The following THSD7B variants were observed in gnomAD, a reference collection of about 807,000 sequenced individuals.
The protein encoded by THSD7B is thrombospondin type-1 domain-containing protein 7B.
A neutral mutation model predicts 213.6 loss-of-function variants in THSD7B; 138 were observed. That is an observed-to-expected ratio of 0.65 (90% CI 0.56 to 0.74). THSD7B has a LOEUF of 0.74. Among genes scored for constraint, THSD7B ranks in the 30% least tolerant of loss-of-function variants. The pLI is 0.00. For synonymous variants in THSD7B, 742 were observed against 687.0 expected (o/e 1.08, Z -1.25); for missense variants, 1,931 against 1,991.5 (o/e 0.97, Z 0.58).
At chr2:137,469,260 C>T (rs1006158108) in intron 15 of THSD7B, among the ~76,000 whole-genome samples, 7 of 152,024 alleles carry the variant, frequency 4.6e-5, no homozygotes, top group Non-Finnish European at 7.4e-5. Flanking sequence ...AGCTGCATAA[C>T]GCTAAATAGA....
At chr2:136,783,842 A>C (rs1434487373) in intron 1 of THSD7B, among the ~76,000 whole-genome samples, 2 of 152,050 alleles carry the variant, frequency 1.3e-5, no homozygotes, top group African/African-American at 4.8e-5. Context: ...TCAACAAGTT[A>C]GTTAATCAGT....
chr2:137,652,668 C>CTG, intron 21 of THSD7B, among the ~76,000 whole-genome samples: 1 of 151,976 alleles, frequency 6.6e-6, no homozygotes, highest in Admixed American at 6.6e-5. Context: ...GTTATTTTCT[C>CTG]TGGTAGTATG....
intron 15 of THSD7B, among the ~76,000 whole-genome samples, chr2:137,487,191 AC>A (rs1190026896): frequency 3.4e-5 from 5 of 147,870 alleles, no homozygotes; most frequent in African/African-American, 1.3e-4. Context: ...ACAAGGTGAA[AC>A]CCCGTCTCTA....
chr2:137,457,763 T>C (rs1687790793), intron 15 of THSD7B, among the ~76,000 whole-genome samples: 1 of 152,166 alleles, frequency 6.6e-6, no homozygotes, highest in Non-Finnish European at 1.5e-5. Flanking sequence ...AGAATAAGAA[T>C]CTGACTGTAT....
At chr2:137,518,834 C>T (rs1057382789) in intron 15 of THSD7B, among the ~76,000 whole-genome samples, 1 of 152,208 alleles carries the variant, frequency 6.6e-6, no homozygotes, top group South Asian at 2.1e-4. Context: ...GCAGCATAAA[C>T]CAACACTGAG....
chr2:137,226,738 T>A (rs1230420548), intron 7 of THSD7B, among the ~76,000 whole-genome samples: 5 of 151,768 alleles, frequency 3.3e-5, no homozygotes, highest in Non-Finnish European at 5.9e-5. Context: ...CACTCCTAGA[T>A]GTATATCCCA....
chr2:137,222,350 A>G (rs1027296236), intron 7 of THSD7B, among the ~76,000 whole-genome samples: 4 of 152,130 alleles, frequency 2.6e-5, no homozygotes, highest in African/African-American at 4.8e-5. Flanking sequence ...CTCATCAACT[A>G]TTCTGTCCAT....
intron 10 of THSD7B, among the ~76,000 whole-genome samples, chr2:137,256,292 G>A (rs1223376615): frequency 1.3e-5 from 2 of 152,056 alleles, no homozygotes; most frequent in Non-Finnish European, 2.9e-5. Flanking sequence ...CTTTTATCAC[G>A]GAGCACTTAA....
chr2:137,058,169 T>A (rs1687204111), intron 3 of THSD7B, among the ~76,000 whole-genome samples: 1 of 149,326 alleles, frequency 6.7e-6, no homozygotes, highest in Non-Finnish European at 1.5e-5. Flanking sequence ...ATGTGATGAT[T>A]GTTTTTTTTT....
chr2:137,397,026 C>T (rs1231133506), intron 12 of THSD7B, among the ~76,000 whole-genome samples: 1 of 141,966 alleles, frequency 7.0e-6, no homozygotes, highest in African/African-American at 2.6e-5. Flanking sequence ...GGTAGTTCTT[C>T]CTCCATCCTT....
chr2:137,303,826 T>C (rs1044420562), intron 12 of THSD7B, among the ~76,000 whole-genome samples: 8 of 148,914 alleles, frequency 5.4e-5, no homozygotes, highest in African/African-American at 2.0e-4. Context: ...ATTATTATTA[T>C]ACTTTAAGTT....
intron 1 of THSD7B, among the ~76,000 whole-genome samples, chr2:136,815,915 C>T (rs1207261523): frequency 3.9e-5 from 6 of 152,088 alleles, no homozygotes; most frequent in Non-Finnish European, 8.8e-5. Context: ...GACAGTGTCT[C>T]ACTCTGTCTC....
intron 12 of THSD7B, among the ~76,000 whole-genome samples, chr2:137,369,809 G>A (rs927213221): frequency 6.6e-6 from 1 of 152,040 alleles, no homozygotes; most frequent in Non-Finnish European, 1.5e-5. Context: ...AAATTACATT[G>A]CCCACCCTTC....
At chr2:136,982,054 C>G (rs1172181279) in intron 2 of THSD7B, among the ~76,000 whole-genome samples, 1 of 152,178 alleles carries the variant, frequency 6.6e-6, no homozygotes, top group East Asian at 1.9e-4. Flanking sequence ...GAGATAGACA[C>G]ACAAGCCACT....
chr2:136,954,924 T>C (rs1024185984), intron 2 of THSD7B, among the ~76,000 whole-genome samples: 1 of 152,106 alleles, frequency 6.6e-6, no homozygotes, highest in African/African-American at 2.4e-5. Flanking sequence ...TTTGCTTAAA[T>C]GGTTGCATGT....
intron 2 of THSD7B, among the ~76,000 whole-genome samples, chr2:136,924,702 T>C (rs894089502): frequency 6.6e-5 from 10 of 152,216 alleles, no homozygotes; most frequent in African/African-American, 2.4e-4. Flanking sequence ...TTGTTTTCTA[T>C]TTCTACACAA....
At chr2:137,176,002 C>T (rs992417487) in intron 7 of THSD7B, among the ~76,000 whole-genome samples, 3 of 151,956 alleles carry the variant, frequency 2.0e-5, no homozygotes, top group Non-Finnish European at 2.9e-5. Context: ...TGTTGTATCT[C>T]GTGTTGTTAA....
chr2:137,586,794 G>T lies in THSD7B; in HGVS notation c.3423+14238G>T, dbSNP rs562119161. 3.9e-5 allele frequency among the ~76,000 whole-genome samples: 6 copies of T among 152,274 alleles called. No individual in the cohort carries two copies. The East Asian group carries it at 1.2e-3, about 29-fold the overall frequency. ...TTTTTACCTTCATTTCAACTTTCGTGAATCTGACAATTGTGTGTCTTGGAG... is the reference window on the plus strand; with the variant it reads ...TTTTTACCTTCATTTCAACTTTCGTTAATCTGACAATTGTGTGTCTTGGAG... On this transcript the variant is annotated intron_variant, in intron 17 of 27. Coordinates refer to ENST00000409968, the MANE Select transcript of THSD7B (RefSeq NM_001316349.2).
At chr2:137,597,670 G>A (rs970294210) in intron 17 of THSD7B, among the ~76,000 whole-genome samples, 20 of 152,060 alleles carry the variant, frequency 1.3e-4, no homozygotes, top group Admixed American at 4.6e-4. Context: ...AATCAATGAA[G>A]TATATTATGT....
Sources: gnomAD v4.1 joint callset for allele counts (sites outside exome capture counted in the v4.1 genomes callset) on GRCh38, gnomAD v4.1.1 for gene constraint, MANE v1.5 for transcripts, NCBI Gene and HGNC (gene_info 2026-07-23, HGNC 2026-07-21) for gene names.